Variants in EBF3 observed in about 807,000 individuals in gnomAD.
The protein encoded by EBF3 is transcription factor COE3.
A neutral mutation model predicts 77.1 loss-of-function variants in EBF3; 18 were observed. That is an observed-to-expected ratio of 0.23 (90% confidence interval 0.16 to 0.35). EBF3 has a LOEUF of 0.35. Among genes scored for constraint, EBF3 ranks in the 10% least tolerant of loss-of-function variants. EBF3 has a pLI of 1.00. For missense variants in EBF3, 558 were observed against 860.0 expected (o/e 0.65, Z 4.39); for synonymous variants, 350 against 343.5 (o/e 1.02, Z -0.21).
intron 10 of EBF3, among the ~76,000 whole-genome samples, chr10:129,866,687 C>G (rs997378918): frequency 3.3e-5 from 5 of 152,300 alleles, no homozygotes; most frequent in Non-Finnish European, 7.4e-5. Flanking sequence ...CGGGGTGTGG[C>G]CCGGGCACTG....
intron 10 of EBF3, among the ~76,000 whole-genome samples, chr10:129,853,118 C>T (rs767856826): frequency 5.3e-5 from 8 of 152,306 alleles, no homozygotes; most frequent in Admixed American, 3.3e-4. Flanking sequence ...GAGCAGTGTG[C>T]GCCGCCTGTA....
Position 129,841,256 on chromosome 10 carries a change from C to A in EBF3, c.1373-224G>T, listed in dbSNP as rs867507688. Reference sequence around the variant, plus strand: ...TGTCTCTGCTGGCTTCAACAGCCAGCCGGGGCGCGCTTCGATCTCGCCGTC... The same window carrying A: ...TGTCTCTGCTGGCTTCAACAGCCAGACGGGGCGCGCTTCGATCTCGCCGTC... On this transcript the variant is annotated intron_variant, in intron 13 of 16. Transcript: ENST00000440978. The surrounding 1 kb of genome is among the most constrained non-coding windows in gnomAD (Gnocchi z 4.6). Among the ~76,000 whole-genome samples, 1 of 152,148 alleles carries A rather than the reference C, an allele frequency of 6.6e-6. No homozygotes were observed.
intron 6 of EBF3, among the ~76,000 whole-genome samples, chr10:129,941,836 G>C (rs957828090): frequency 1.3e-5 from 2 of 152,098 alleles, no homozygotes; most frequent in African/African-American, 4.8e-5. Flanking sequence ...GCTCTGCAGA[G>C]GCCAAAACTG....
In EBF3 at chr10:129,837,656, C is replaced by T. The variant is rs765829407; in HGVS notation, c.*287G>A. 2.4e-5 allele frequency: 10 copies of T among 419,586 alleles called. 1 individual carries two copies. Among genetic ancestry groups the T allele is most frequent in the Non-Finnish European group, 3.8e-5 (9 of 236,086 alleles). The allele number at this position is 419,586 out of a possible 1,614,324, so 26.0% of individuals were successfully genotyped here. On this transcript the variant is annotated 3_prime_UTR_variant, in exon 17 of 17. Coordinates refer to ENST00000440978, the MANE Select transcript of EBF3 (RefSeq NM_001375380.1). Reference sequence around the variant, plus strand: ...CGGAAACTTTATACAAAATAGGCGTCGCTTTGTTTTCCTTATTCTTCAGGA... The same window carrying T: ...CGGAAACTTTATACAAAATAGGCGTTGCTTTGTTTTCCTTATTCTTCAGGA...
chr10:129,930,282 T>C (rs1484423883), intron 6 of EBF3, among the ~76,000 whole-genome samples: 2 of 152,208 alleles, frequency 1.3e-5, no homozygotes, highest in Admixed American at 1.3e-4. Context: ...CTCAGCCTCA[T>C]AATCCTGTGA....
At position 129,863,736 on chromosome 10, in the gene EBF3, A is replaced by G. The variant is rs1564836353; in HGVS notation, c.1039+3405T>C. ...TCCCGGTGATTACCTCATTGTCCCC[A>G]TCAATTTTGGGGCAATGCAAATCAG... On this transcript the variant is annotated intron_variant, in intron 10 of 16. Coordinates refer to ENST00000440978, the MANE Select transcript of EBF3 (RefSeq NM_001375380.1). This position sits in a 1 kb window ranked among gnomAD's most constrained non-coding sequence, Gnocchi z 4.0. Among the ~76,000 whole-genome samples, 1 of 152,292 alleles carries G rather than the reference A, an allele frequency of 6.6e-6. No homozygotes were observed. The highest frequency in any genetic ancestry group is 1.9e-4 in the East Asian group (1 of 5,180).
At chr10:129,927,422 C>T (rs746899767) in intron 6 of EBF3, among the ~76,000 whole-genome samples, 1 of 152,208 alleles carries the variant, frequency 6.6e-6, no homozygotes, top group Non-Finnish European at 1.5e-5. Flanking sequence ...TCAATTCAAC[C>T]ATAATCTCCC....
chr10:129,881,349 TC>T (rs1853194231), intron 6 of EBF3, among the ~76,000 whole-genome samples: 1 of 152,220 alleles, frequency 6.6e-6, no homozygotes, highest in African/African-American at 2.4e-5. Context: ...CCTGACCCTG[TC>T]TTTATTTCCC....
chr10:129,962,870 T>C, intron 3 of EBF3, 72 bp downstream of exon 3: 1 of 1,554,772 alleles, frequency 6.4e-7, no homozygotes, highest in Non-Finnish European at 8.9e-7. Flanking sequence ...CTCAAATCTT[T>C]ATGTCCTTTC....
chr10:129,872,367 T>C (rs1425254694), intron 8 of EBF3, among the ~76,000 whole-genome samples: 4 of 152,160 alleles, frequency 2.6e-5, no homozygotes, highest in Admixed American at 6.5e-5. Flanking sequence ...TGTTCTCTTA[T>C]ACCTTAGTCA....
At chr10:129,888,988 G>A (rs911363792) in intron 6 of EBF3, among the ~76,000 whole-genome samples, 1 of 152,212 alleles carries the variant, frequency 6.6e-6, no homozygotes, top group Admixed American at 6.5e-5. Flanking sequence ...GACAGCAGAG[G>A]GGGTGGACCG....
At chr10:129,874,135 G>T (rs1370029726) in intron 7 of EBF3, among the ~76,000 whole-genome samples, 3 of 152,146 alleles carry the variant, frequency 2.0e-5, no homozygotes, top group Non-Finnish European at 4.4e-5. Context: ...TTAATGTCTG[G>T]TAATGAACTT....
At position 129,915,587 on chromosome 10, in the gene EBF3, C is replaced by T. The variant is rs183503526; in HGVS notation, c.555-37738G>A. Among the ~76,000 whole-genome samples the T allele has an allele frequency of 3.3e-3, 508 of 152,184 alleles. 4 individuals carry two copies. The highest frequency in any genetic ancestry group is 0.011 in the African/African-American group (447 of 41,512). ...TGACGTCCCATGAAGTTTGTTGTAA[C>T]GAGCGACAGCCCAGACATCAATGCT... On this transcript the variant is annotated intron_variant, in intron 6 of 16. Coordinates refer to ENST00000440978, the MANE Select transcript of EBF3 (RefSeq NM_001375380.1).
intron 14 of EBF3, among the ~76,000 whole-genome samples, 192 bp from the exon 15 acceptor site, chr10:129,840,634 A>G (rs1379347780): frequency 1.3e-5 from 2 of 152,106 alleles, no homozygotes; most frequent in Non-Finnish European, 2.9e-5. Context: ...TGAGCAGCCC[A>G]TTTTGTTCTG....
rs772339734 is a variant in EBF3, at chr10:129,839,105, A to C, written c.1850T>G (p.Met617Arg). The stretch of plus-strand genomic sequence containing the variant: ...TACCTTTCCAGTTCCTTTTTTGAGC[A>C]TTAGTTCATCAAAGTGAAATATGCC... ...VGGIFHFDEL[M>R]LKKGTGKLCL... Residue 617 changes from methionine to arginine, a missense_variant, in exon 16 of 17, where the codon ATG (methionine) becomes AGG (arginine). By Grantham distance (91) the Met-to-Arg change is moderately conservative. Coordinates refer to ENST00000440978, the MANE Select transcript of EBF3 (RefSeq NM_001375380.1). 1 of 1,304,484 alleles carries C rather than the reference A, an allele frequency of 7.7e-7. No individual in the cohort carries two copies. The highest frequency in any genetic ancestry group is 1.2e-5 in the South Asian group (1 of 81,032). 80.8% of individuals were successfully genotyped at this position (1,304,484 alleles called of 1,614,324 possible). A position where few individuals can be genotyped will look rare whatever the true frequency, so the allele number is the denominator to read the frequency against.
intron 5 of EBF3, among the ~76,000 whole-genome samples, 172 bp downstream of exon 5, chr10:129,958,762 G>T (rs538713831): frequency 1.3e-5 from 2 of 152,302 alleles, no homozygotes; most frequent in South Asian, 4.1e-4. Context: ...GCGCTGGGGG[G>T]AAGGAGCGCG....
In EBF3 at chr10:129,917,651, C is replaced by CAAAAAAAAAAAAAAAAAAAAAAA. The variant is rs71481019; in HGVS notation, c.554+39584_554+39606dup. On this transcript the variant is annotated intron_variant, in intron 6 of 16. Transcript: ENST00000440978. Reference sequence around the variant, plus strand: ...TGGGCACCACAGCAAGACCCTGCCTCAAAAAAAAAAAAAAAAAAAAAAAAA... The same window carrying CAAAAAAAAAAAAAAAAAAAAAAA: ...TGGGCACCACAGCAAGACCCTGCCTCAAAAAAAAAAAAAAAAAAAAAAAAAAAAAAAAAAAAAAAAAAAAAAAA... 1.9e-3 allele frequency among the ~76,000 whole-genome samples: 44 copies of CAAAAAAAAAAAAAAAAAAAAAAA among 23,594 alleles called. 5 individuals carry two copies. The highest frequency in any genetic ancestry group is 2.1e-3 in the African/African-American group (11 of 5,334). 15.5% of individuals were successfully genotyped at this position (23,594 alleles called of 152,430 possible).
At chr10:129,957,093 G>C (rs1859093811) in intron 6 of EBF3, among the ~76,000 whole-genome samples, 165 bp downstream of exon 6, 1 of 152,188 alleles carries the variant, frequency 6.6e-6, no homozygotes. Flanking sequence ...AGGTTTCCAA[G>C]TCAACCCACC....
chr10:129,954,237 T>C (rs1408610825), intron 6 of EBF3, among the ~76,000 whole-genome samples: 1 of 152,212 alleles, frequency 6.6e-6, no homozygotes, highest in East Asian at 1.9e-4. Context: ...CAATGTTATG[T>C]TTCTTCTTTG....
Sources: gnomAD v4.1 joint callset for allele counts (sites outside exome capture counted in the v4.1 genomes callset) on GRCh38, gnomAD v4.1.1 for gene constraint, Gnocchi (gnomAD v3.1) non-coding constraint, MANE v1.5 for transcripts, NCBI Gene and HGNC (gene_info 2026-07-23, HGNC 2026-07-21) for gene names.